The following LINGO2 variants were observed in gnomAD, a reference collection of about 807,000 sequenced individuals.
LINGO2 encodes leucine rich repeat and Ig domain containing 2, also known as leucine-rich repeat and immunoglobulin-like domain-containing nogo receptor-interacting protein 2.
LINGO2 carries 14 observed loss-of-function variants against 30.6 expected under a neutral mutation model. The ratio of observed to expected loss-of-function variants is 0.46; its 90% CI spans 0.30 to 0.72. The LOEUF (loss-of-function observed/expected upper bound fraction) is 0.72, where lower values mean the gene tolerates loss of function less well. LINGO2 is among the 30% of genes least tolerant of loss of function. The pLI, the probability that LINGO2 is intolerant of heterozygous loss-of-function variation, is 0.07. For missense variants in LINGO2, 729 were observed against 751.7 expected, an observed-to-expected ratio of 0.97 and a Z score of 0.35; for synonymous variants, 317 against 288.5, an observed-to-expected ratio of 1.10 and a Z score of -1.00.
At chr9:28,555,990 A>G (rs1456544773) in intron 1 of LINGO2, among the ~76,000 whole-genome samples, 2 of 152,080 alleles carry the variant, frequency 1.3e-5, no homozygotes, top group African/African-American at 4.8e-5. Context: ...TTGATGGGAC[A>G]TATTTCAAAA....
At chr9:27,983,133 C>T (rs2118931309) in intron 5 of LINGO2, among the ~76,000 whole-genome samples, 1 of 151,890 alleles carries the variant, frequency 6.6e-6, no homozygotes, top group South Asian at 2.1e-4. Flanking sequence ...TTTTATGTCT[C>T]AGAGAAAATG....
chr9:29,175,059 G>T, the LINGO2 span, among the ~76,000 whole-genome samples: 3 of 152,224 alleles, frequency 2.0e-5, no homozygotes, highest in African/African-American at 7.2e-5. Context: ...GGGAGTTAGA[G>T]ACCATCCTGA....
intron 4 of LINGO2, among the ~76,000 whole-genome samples, chr9:28,284,591 A>G (rs1823440540): frequency 3.3e-5 from 5 of 152,366 alleles, no homozygotes; most frequent in African/African-American, 9.6e-5. Flanking sequence ...CATGTAATAA[A>G]AAAAGGTTAA....
At chr9:28,630,859 G>A (rs1471975996) in intron 1 of LINGO2, among the ~76,000 whole-genome samples, 1 of 150,374 alleles carries the variant, frequency 6.7e-6, no homozygotes, top group Non-Finnish European at 1.5e-5. Context: ...AATCAAAACA[G>A]CCTCTATTCA....
rs1259527415 is a variant in LINGO2 at position 28,122,802 on chromosome 9, G to T, written c.-86-110397C>A. On this transcript the variant is annotated intron_variant, in intron 4 of 5. Transcript: ENST00000379992. The stretch of plus-strand genomic sequence containing the variant: ...ATATAAGAGTTCAATTACATTAAGA[G>T]AATTTTGAGAGCTTTATGTTTTTAA... Among the ~76,000 whole-genome samples the T allele has an allele frequency of 3.3e-5, 5 of 152,150 alleles. No individual in the cohort carries two copies. The East Asian group carries it at 9.6e-4, about 29-fold the overall frequency.
intron 4 of LINGO2, among the ~76,000 whole-genome samples, chr9:28,255,527 T>C (rs1358503162): frequency 3.3e-5 from 5 of 152,108 alleles, no homozygotes; most frequent in African/African-American, 4.8e-5. Context: ...AAATATGATG[T>C]ATGTAAAGCA....
chr9:27,983,509 G>C (rs1334205178), intron 5 of LINGO2, among the ~76,000 whole-genome samples: 3 of 151,852 alleles, frequency 2.0e-5, no homozygotes, highest in South Asian at 4.1e-4. Context: ...GTAGGTACCA[G>C]AGATGCAAAA....
chr9:28,160,824 C>T (rs1278573584), intron 4 of LINGO2, among the ~76,000 whole-genome samples: 2 of 152,122 alleles, frequency 1.3e-5, no homozygotes, highest in Admixed American at 6.6e-5. Flanking sequence ...CTGATTTCTG[C>T]CTCTTGGCTC....
intron 5 of LINGO2, among the ~76,000 whole-genome samples, chr9:27,981,563 AAAAAAAG>A: frequency 4.6e-5 from 6 of 129,482 alleles, no homozygotes; most frequent in African/African-American, 1.6e-4. Context: ...AAAAAAAGAA[AAAAAAAG>A]AAAAAAAAAA....
chr9:28,060,553 C>A (rs372090275), intron 4 of LINGO2, among the ~76,000 whole-genome samples: 3 of 152,130 alleles, frequency 2.0e-5, no homozygotes, highest in African/African-American at 7.2e-5. Flanking sequence ...GTAAGTAAAT[C>A]TGTGATTTTA....
chr9:28,896,448 T>A, the LINGO2 span, among the ~76,000 whole-genome samples: 1 of 149,962 alleles, frequency 6.7e-6, no homozygotes, highest in Non-Finnish European at 1.5e-5. Context: ...AAAAGACAGA[T>A]GTAACTATGT....
At chr9:28,231,829 A>C (rs1213513126) in intron 4 of LINGO2, among the ~76,000 whole-genome samples, 2 of 152,188 alleles carry the variant, frequency 1.3e-5, no homozygotes. Context: ...CTAAGCATGC[A>C]CAAAAATGGA....
intron 1 of LINGO2, among the ~76,000 whole-genome samples, chr9:28,636,688 T>A (rs571854908): frequency 6.6e-6 from 1 of 152,144 alleles, no homozygotes; most frequent in East Asian, 1.9e-4. Flanking sequence ...TTCTTATAAA[T>A]TTGTTTGACT....
At chr9:28,592,150 T>C (rs1355187886) in intron 1 of LINGO2, among the ~76,000 whole-genome samples, 4 of 152,122 alleles carry the variant, frequency 2.6e-5, no homozygotes, top group African/African-American at 9.7e-5. Context: ...GTTACATTTA[T>C]TGTTTCATTT....
intron 2 of LINGO2, among the ~76,000 whole-genome samples, chr9:28,442,565 T>C (rs1394532312): frequency 6.6e-6 from 1 of 152,192 alleles, no homozygotes; most frequent in Non-Finnish European, 1.5e-5. Flanking sequence ...ACTATTTTTC[T>C]TTTTTATTCT....
At chr9:28,066,740 C>T (rs969064201) in intron 4 of LINGO2, among the ~76,000 whole-genome samples, 1 of 151,976 alleles carries the variant, frequency 6.6e-6, no homozygotes, top group African/African-American at 2.4e-5. Flanking sequence ...TTTAAGAAAC[C>T]CTTCTGGTCT....
chr9:28,655,950 GGGGGC>G (rs1195840543), intron 1 of LINGO2, among the ~76,000 whole-genome samples: 2 of 152,078 alleles, frequency 1.3e-5, no homozygotes, highest in East Asian at 3.9e-4. Context: ...TCAATAATTA[GGGGGC>G]TGTACATCAC....
At chr9:28,227,989 A>G (rs1364762051) in intron 4 of LINGO2, among the ~76,000 whole-genome samples, 1 of 152,116 alleles carries the variant, frequency 6.6e-6, no homozygotes, top group South Asian at 2.1e-4. Flanking sequence ...TAGAATAAAT[A>G]TATAAATAAA....
At chr9:28,072,858 C>G (rs1290067273) in intron 4 of LINGO2, among the ~76,000 whole-genome samples, 2 of 152,032 alleles carry the variant, frequency 1.3e-5, no homozygotes, top group Non-Finnish European at 2.9e-5. Flanking sequence ...CGTAGCGGTA[C>G]TCATGGTGCT....
Sources: gnomAD v4.1 joint callset for allele counts (sites outside exome capture counted in the v4.1 genomes callset) on GRCh38, gnomAD v4.1.1 for gene constraint, MANE v1.5 for transcripts, NCBI Gene and HGNC (gene_info 2026-07-23, HGNC 2026-07-21) for gene names.